The following ANKRD17 variants were observed in gnomAD, a reference collection of about 807,000 sequenced individuals.
ANKRD17 encodes ankyrin repeat domain 17, also known as ankyrin repeat domain-containing protein 17.
Under a neutral mutation model 229.7 loss-of-function variants are expected in ANKRD17, and 19 were observed. The observed-to-expected ratio is 0.08, with a 90% CI of 0.06 to 0.12. ANKRD17 has a LOEUF of 0.12. ANKRD17 is among the 10% of genes least tolerant of loss of function. The pLI, the probability that ANKRD17 is intolerant of heterozygous loss-of-function variation, is 1.00. For missense variants in ANKRD17, 2,176 were observed against 3,176.8 expected, an observed-to-expected ratio of 0.68 and a Z score of 7.57; for synonymous variants, 1,112 against 1,146.1, an observed-to-expected ratio of 0.97 and a Z score of 0.60.
At chr4:73,184,488 C>A (rs1292560310) in intron 1 of ANKRD17, among the ~76,000 whole-genome samples, 1 of 130,602 alleles carries the variant, frequency 7.7e-6, no homozygotes, top group Non-Finnish European at 1.5e-5. Flanking sequence ...AAGATAGCGC[C>A]ATTGCACCCA....
At position 73,120,274 on chromosome 4, in the gene ANKRD17, A is replaced by G; in HGVS notation, c.3913T>C (p.Leu1305=). 1.2e-6 allele frequency: 2 copies of G among 1,614,122 alleles called. No homozygotes were observed. Among genetic ancestry groups the G allele is most frequent in the Non-Finnish European group, 1.7e-6 (2 of 1,180,004 alleles). The change falls in exon 21 of 34, where the codon TTG becomes CTG. Residue 1305 remains leucine (L), a synonymous_variant. Transcript: ENST00000358602. Reference sequence around the variant, plus strand: ...GCATTAACATCAGCACCTTTATCCAAAAGAACTCGGCCCACCTCCGCATAT... The same window carrying G: ...GCATTAACATCAGCACCTTTATCCAGAAGAACTCGGCCCACCTCCGCATAT... ...GGYAEVGRVL[L]DKGADVNAPP...
At chr4:73,246,748 C>T (rs1193112957) in intron 1 of ANKRD17, among the ~76,000 whole-genome samples, 4 of 151,962 alleles carry the variant, frequency 2.6e-5, no homozygotes, top group African/African-American at 9.7e-5. Context: ...CAGTGAGGTA[C>T]AAACAGGAGA....
chr4:73,100,839 A>C (rs1560517255), intron 25 of ANKRD17: 5 of 983,488 alleles, frequency 5.1e-6, no homozygotes, highest in East Asian at 1.1e-4. Context: ...AACAAAACAA[A>C]ACACACACAC....
At chr4:73,099,221 G>A (rs557264185) in intron 25 of ANKRD17, 191 of 573,810 alleles carry the variant, frequency 3.3e-4, no homozygotes, top group Non-Finnish European at 5.5e-4. Context: ...CGCTCCCACC[G>A]CCCCCGCCCC....
At chr4:73,120,523 C>T in intron 20 of ANKRD17, among the ~76,000 whole-genome samples, 186 bp from the exon 21 acceptor site, 1 of 145,078 alleles carries the variant, frequency 6.9e-6, no homozygotes, top group South Asian at 2.2e-4. Flanking sequence ...ATAATTCTAC[C>T]TAATCTCAAC....
chr4:73,149,583 A>C (rs1730729422), intron 7 of ANKRD17, among the ~76,000 whole-genome samples: 1 of 152,232 alleles, frequency 6.6e-6, no homozygotes, highest in African/African-American at 2.4e-5. Flanking sequence ...AATTAAGAAA[A>C]GGGCCAGGTG....
intron 1 of ANKRD17, among the ~76,000 whole-genome samples, chr4:73,189,404 T>TTC (rs1312621963): frequency 1.1e-3 from 1 of 952 alleles, no homozygotes; most frequent in African/African-American, 5.6e-3. Flanking sequence ...GCCTGGAATG[T>TTC]TTTTTTTTTT....
rs970540354 is a variant in ANKRD17 at position 73,075,185 on chromosome 4, CTG to C, written c.*1044_*1045del. 1.3e-5 allele frequency: 2 copies of C among 152,046 alleles called. No individual in the cohort carries two copies. The highest frequency in any genetic ancestry group is 4.8e-5 in the African/African-American group (2 of 41,420). The allele number at this position is 152,046 out of a possible 1,614,324, so 9.4% of individuals were successfully genotyped here. A position where few individuals can be genotyped will look rare whatever the true frequency, so the allele number is the denominator to read the frequency against. On this transcript the variant is annotated 3_prime_UTR_variant, in exon 34 of 34. Transcript: ENST00000358602. ...CTGAAAATTGAAATTTTTATGTTGA[CTG>C]TTGATGACTGAAAAGCCAATGTTAA... is the stretch of plus-strand genomic sequence containing the variant.
At chr4:73,088,701 A>G (rs1031508877) in intron 29 of ANKRD17, among the ~76,000 whole-genome samples, 8 of 152,226 alleles carry the variant, frequency 5.3e-5, no homozygotes, top group Non-Finnish European at 8.8e-5. Context: ...GTTGACTTTT[A>G]GCAAAGAATA....
At chr4:73,156,268 C>T (rs774477349) in intron 3 of ANKRD17, 102 bp from the exon 4 acceptor site, 301 of 1,378,760 alleles carry the variant, frequency 2.2e-4, no homozygotes, top group Non-Finnish European at 2.5e-4. Flanking sequence ...TGTTTAGAAA[C>T]GGAGTCTTGC....
chr4:73,226,365 A>G (rs1279269655), intron 1 of ANKRD17, among the ~76,000 whole-genome samples: 2 of 150,280 alleles, frequency 1.3e-5, no homozygotes, highest in Non-Finnish European at 3.0e-5. Flanking sequence ...TATTGCTACT[A>G]ATAGTAATAA....
chr4:73,175,752 T>G (rs1295939493), intron 2 of ANKRD17, among the ~76,000 whole-genome samples: 1 of 152,086 alleles, frequency 6.6e-6, no homozygotes, highest in South Asian at 2.1e-4. Flanking sequence ...TGGATATCCA[T>G]ATGCAGAAGA....
chr4:73,113,226 A>G lies in ANKRD17; in HGVS notation c.4401+566T>C, dbSNP rs1203599856. On this transcript the variant is annotated intron_variant, in intron 24 of 33. Transcript: ENST00000358602. ...AAAATGTGGCAGAAAAGGGAAGTGA[A>G]GAAGCTATAAGACTGTCCAAACTAT... 3 of 1,288,676 alleles carry G rather than the reference A, an allele frequency of 2.3e-6. No individual in the cohort carries two copies. In the Admixed American group the frequency reaches 6.9e-5, roughly 30 times the overall value. 79.8% of individuals were successfully genotyped at this position (1,288,676 alleles called of 1,614,324 possible). A position where few individuals can be genotyped will look rare whatever the true frequency, so the allele number is the denominator to read the frequency against.
intron 15 of ANKRD17, among the ~76,000 whole-genome samples, chr4:73,137,932 A>T (rs534211244): frequency 2.0e-5 from 3 of 152,334 alleles, no homozygotes. Context: ...ATTGTTGACA[A>T]CTATGCATGC....
At chr4:73,130,095 C>G (rs1728006399) in intron 16 of ANKRD17, among the ~76,000 whole-genome samples, 2 of 152,054 alleles carry the variant, frequency 1.3e-5, no homozygotes, top group Admixed American at 6.6e-5. Flanking sequence ...ATTAAATTAC[C>G]TTGAAAACTA....
At chr4:73,230,370 G>T (rs549023829) in intron 1 of ANKRD17, among the ~76,000 whole-genome samples, 1 of 151,826 alleles carries the variant, frequency 6.6e-6, no homozygotes, top group East Asian at 1.9e-4. Flanking sequence ...ACTATAAAAA[G>T]CCCCAGTACA....
intron 1 of ANKRD17, among the ~76,000 whole-genome samples, chr4:73,224,205 T>C (rs886950785): frequency 5.3e-5 from 8 of 152,150 alleles, no homozygotes; most frequent in Non-Finnish European, 8.8e-5. Flanking sequence ...ATTGTGCCAC[T>C]GGCACCCTAG....
intron 1 of ANKRD17, among the ~76,000 whole-genome samples, chr4:73,230,578 T>C (rs967853445): frequency 6.6e-6 from 1 of 152,148 alleles, no homozygotes; most frequent in Non-Finnish European, 1.5e-5. Context: ...CTTCAATGAT[T>C]TTTTTCTCTA....
rs1730068441 is a variant in ANKRD17 at position 73,144,974 on chromosome 4, T to C, written c.1870-142A>G. ...TAATGCTTTGAAGCAAATTAAGAAA[T>C]ATACTTTTAAATTTAAAAAAAATCT... On this transcript the variant is annotated intron_variant, in intron 10 of 33. Coordinates refer to ENST00000358602, the MANE Select transcript of ANKRD17 (RefSeq NM_032217.5). 4 of 548,938 alleles carry C rather than the reference T, an allele frequency of 7.3e-6. No homozygotes were observed. In the East Asian group the frequency reaches 1.3e-4, roughly 17 times the overall value. 34.0% of individuals were successfully genotyped at this position (548,938 alleles called of 1,614,324 possible).
Sources: gnomAD v4.1 joint callset for allele counts (sites outside exome capture counted in the v4.1 genomes callset) on GRCh38, gnomAD v4.1.1 for gene constraint, MANE v1.5 for transcripts, NCBI Gene and HGNC (gene_info 2026-07-23, HGNC 2026-07-21) for gene names.